The following CHST9 variants were observed in gnomAD, a reference collection of about 807,000 sequenced individuals.
The protein encoded by CHST9 is carbohydrate sulfotransferase 9, also known as GalNAc-4-sulfotransferase 2.
Under a neutral mutation model 44.4 loss-of-function variants are expected in CHST9, and 41 were observed. The ratio of observed to expected loss-of-function variants is 0.92; its 90% CI spans 0.72 to 1.20. The LOEUF is 1.20. Ranked by LOEUF, CHST9 falls within the 50% of genes most tolerant of loss-of-function variation. The probability of loss-of-function intolerance (pLI) is 0.00; values close to 1 mark genes in which losing one functional copy is unlikely to be tolerated. For synonymous variants in CHST9, 171 were observed against 178.4 expected (o/e 0.96, Z 0.33); for missense variants, 504 against 516.5 (o/e 0.98, Z 0.23).
intron 2 of CHST9, among the ~76,000 whole-genome samples, chr18:27,051,465 G>A (rs1392631298): frequency 1.3e-5 from 2 of 152,058 alleles, no homozygotes; most frequent in East Asian, 1.9e-4. Flanking sequence ...CTTTCTTTTG[G>A]ATCACTCCCT....
chr18:27,003,968 A>G (rs1382468203), intron 4 of CHST9, among the ~76,000 whole-genome samples: 1 of 152,196 alleles, frequency 6.6e-6, no homozygotes, highest in East Asian at 1.9e-4. Context: ...ATCTATTACC[A>G]TCACGTTTAG....
chr18:27,048,506 G>GA lies in CHST9; in HGVS notation c.122-4dup. The GA allele has an allele frequency of 6.2e-7, 1 of 1,602,784 alleles. No homozygotes were observed. The highest frequency in any genetic ancestry group is 8.5e-7 in the Non-Finnish European group (1 of 1,174,428). ...TTCTCTTCTCTTCTCCACTCTCCCTGAAATGAGAAGTGGAAGATAAGTTAC... is the reference window on the plus strand; with the variant it reads ...TTCTCTTCTCTTCTCCACTCTCCCTGAAAATGAGAAGTGGAAGATAAGTTAC... On this transcript the variant is annotated splice_polypyrimidine_tract_variant and splice_region_variant and intron_variant, in intron 2 of 5. Transcript: ENST00000618847.
intron 3 of CHST9, among the ~76,000 whole-genome samples, chr18:27,045,361 T>C (rs1367736804): frequency 6.6e-6 from 1 of 152,054 alleles, no homozygotes; most frequent in African/African-American, 2.4e-5. Context: ...GAATTCCTCT[T>C]TGCACTTTAT....
intron 2 of CHST9, among the ~76,000 whole-genome samples, chr18:27,106,908 G>T (rs2058226397): frequency 6.6e-6 from 1 of 152,194 alleles, no homozygotes; most frequent in Admixed American, 6.5e-5. Context: ...CTAGCACTTT[G>T]GTTCCACTTA....
At chr18:27,047,089 A>G (rs1002499638) in intron 3 of CHST9, among the ~76,000 whole-genome samples, 1 of 152,036 alleles carries the variant, frequency 6.6e-6, no homozygotes, top group African/African-American at 2.4e-5. Flanking sequence ...TAGGGAGTGG[A>G]GATGCCTGAG....
At chr18:27,091,734 A>G (rs1160449851) in intron 2 of CHST9, among the ~76,000 whole-genome samples, 2 of 152,146 alleles carry the variant, frequency 1.3e-5, no homozygotes, top group Non-Finnish European at 2.9e-5. Context: ...TCCTGTTTAT[A>G]TGATGGATTA....
At chr18:26,947,126 C>T (rs1009585761) in intron 4 of CHST9, among the ~76,000 whole-genome samples, 6 of 152,148 alleles carry the variant, frequency 3.9e-5, no homozygotes, top group African/African-American at 7.2e-5. Flanking sequence ...GCCATTTTCA[C>T]GATATTGATT....
chr18:26,948,122 T>C (rs1184568888), intron 4 of CHST9, among the ~76,000 whole-genome samples: 1 of 152,068 alleles, frequency 6.6e-6, no homozygotes, highest in Non-Finnish European at 1.5e-5. Flanking sequence ...CTGGAAACCA[T>C]CATTCTCAGC....
chr18:27,083,974 A>G (rs535103958), intron 2 of CHST9, among the ~76,000 whole-genome samples: 237 of 152,262 alleles, frequency 1.6e-3, no homozygotes, highest in African/African-American at 5.2e-3. Flanking sequence ...CTAACTTTGC[A>G]TCCCAAGAAT....
intron 2 of CHST9, among the ~76,000 whole-genome samples, chr18:27,134,023 T>C (rs1307107115): frequency 6.6e-6 from 1 of 152,222 alleles, no homozygotes; most frequent in Admixed American, 6.5e-5. Flanking sequence ...GAGTATATGA[T>C]TGACAGTAAA....
At chr18:27,169,586 A>G (rs1419132836) in intron 1 of CHST9, among the ~76,000 whole-genome samples, 1 of 151,420 alleles carries the variant, frequency 6.6e-6, no homozygotes, top group Non-Finnish European at 1.5e-5. Context: ...AATGTATAAA[A>G]CATATATTCT....
intron 1 of CHST9, among the ~76,000 whole-genome samples, chr18:27,152,177 T>C (rs558687521): frequency 7.9e-5 from 12 of 152,312 alleles, no homozygotes; most frequent in African/African-American, 2.9e-4. Flanking sequence ...TGCTTTGATT[T>C]TCTCTATAAT....
chr18:26,975,030 C>A (rs548368175), intron 4 of CHST9, among the ~76,000 whole-genome samples: 2 of 152,202 alleles, frequency 1.3e-5, no homozygotes, highest in Non-Finnish European at 2.9e-5. Context: ...GGGCTCTAGG[C>A]ACCTTGCTCC....
At chr18:27,018,833 GGAGA>G (rs1305793815) in intron 4 of CHST9, among the ~76,000 whole-genome samples, 1 of 152,170 alleles carries the variant, frequency 6.6e-6, no homozygotes, top group African/African-American at 2.4e-5. Context: ...CAGGCAAGCA[GGAGA>G]GAGAGCAGGA....
At chr18:26,954,043 C>A (rs935694487) in intron 4 of CHST9, among the ~76,000 whole-genome samples, 1 of 152,138 alleles carries the variant, frequency 6.6e-6, no homozygotes, top group Admixed American at 6.5e-5. Flanking sequence ...TATTCCAGAA[C>A]TGTGGAGTTC....
chr18:26,967,880 C>T (rs2056487414), intron 4 of CHST9, among the ~76,000 whole-genome samples: 2 of 152,226 alleles, frequency 1.3e-5, no homozygotes, highest in South Asian at 4.1e-4. Context: ...AAAGACTAGA[C>T]TGGCTAAGTT....
intron 2 of CHST9, 122 bp from the exon 3 acceptor site, chr18:27,048,625 G>T: frequency 1.4e-6 from 1 of 715,902 alleles, no homozygotes; most frequent in Non-Finnish European, 2.3e-6. Context: ...TGTCCAGTGT[G>T]CTCCTAGAGA....
At chr18:26,998,134 A>T (rs2056906754) in intron 4 of CHST9, among the ~76,000 whole-genome samples, 1 of 152,148 alleles carries the variant, frequency 6.6e-6, no homozygotes, top group Non-Finnish European at 1.5e-5. Context: ...GCACAGGGTG[A>T]TGGGCATGGA....
chr18:26,911,184 C>G lies in CHST9; in HGVS notation c.*5075G>C, dbSNP rs2055434997. On this transcript the variant is annotated 3_prime_UTR_variant, in exon 6 of 6. Coordinates refer to ENST00000618847, the MANE Select transcript of CHST9 (RefSeq NM_031422.6). ...GAATTCTACACTAAAAGAAGTTGTA[C>G]AGGAACCTTTAAACAACAGCATCAA... 1 of 152,140 alleles carries G rather than the reference C, an allele frequency of 6.6e-6. No individual in the cohort carries two copies. Among genetic ancestry groups the G allele is most frequent in the African/African-American group, 2.4e-5 (1 of 41,436 alleles). The allele number at this position is 152,140 out of a possible 1,614,324, so 9.4% of individuals were successfully genotyped here.
Sources: allele counts gnomAD v4.1 joint callset (sites outside exome capture counted in the v4.1 genomes callset), GRCh38; gene constraint gnomAD v4.1.1; transcripts MANE v1.5; gene names NCBI Gene and HGNC (gene_info 2026-07-23, HGNC 2026-07-21).